LARGE1: variants seen among roughly 807,000 people sequenced by gnomAD.
The protein encoded by LARGE1 is xylosyl- and glucuronyltransferase LARGE1.
A neutral mutation model predicts 87.6 loss-of-function variants in LARGE1; 43 were observed. The observed-to-expected ratio is 0.49, with a 90% CI of 0.38 to 0.63. LARGE1 has a LOEUF of 0.63. Among genes scored for constraint, LARGE1 ranks in the 30% least tolerant of loss-of-function variants. The probability of loss-of-function intolerance (pLI) is 0.00; values close to 1 mark genes in which losing one functional copy is unlikely to be tolerated. For missense variants in LARGE1, 802 were observed against 1,000.2 expected (o/e 0.80, Z 2.67); for synonymous variants, 434 against 394.6 (o/e 1.10, Z -1.18).
the LARGE1 span, among the ~76,000 whole-genome samples, chr22:33,100,380 T>TTAAA: frequency 1.5e-5 from 2 of 129,198 alleles, no homozygotes; most frequent in East Asian, 2.2e-4. Flanking sequence ...AAGTAAAAAA[T>TTAAA]TAAATAAATA....
intron 2 of LARGE1, among the ~76,000 whole-genome samples, chr22:33,687,565 T>C (rs2081981534): frequency 6.6e-6 from 1 of 152,138 alleles, no homozygotes; most frequent in African/African-American, 2.4e-5. Flanking sequence ...ATTTGTTGAA[T>C]GAGTGAAGGT....
chr22:33,702,851 C>T (rs2082440421), intron 2 of LARGE1, among the ~76,000 whole-genome samples: 1 of 152,090 alleles, frequency 6.6e-6, no homozygotes, highest in Non-Finnish European at 1.5e-5. Flanking sequence ...GGAAGAGGGG[C>T]AGATTGCCAG....
At chr22:33,228,169 G>A (rs948913702) in intron 11 of LARGE1, among the ~76,000 whole-genome samples, 1 of 152,212 alleles carries the variant, frequency 6.6e-6, no homozygotes, top group Admixed American at 6.5e-5. Flanking sequence ...AGATAAAATG[G>A]AATTATACAT....
intron 6 of LARGE1, among the ~76,000 whole-genome samples, chr22:33,469,352 TAAAA>T (rs1176617525): frequency 6.6e-6 from 1 of 152,144 alleles, no homozygotes; most frequent in African/African-American, 2.4e-5. Flanking sequence ...TATGCAGTCA[TAAAA>T]AAGAACAAGG....
At chr22:33,128,680 CAA>C in the LARGE1 span, among the ~76,000 whole-genome samples, 802 of 110,272 alleles carry the variant, frequency 7.3e-3, 2 homozygotes, top group African/African-American at 0.016. Flanking sequence ...GTCTCAAAAA[CAA>C]AAAAAAAAAA....
chr22:33,270,981 G>A (rs1488335928), downstream of LARGE1, among the ~76,000 whole-genome samples: 1 of 152,186 alleles, frequency 6.6e-6, no homozygotes, highest in Admixed American at 6.5e-5. Context: ...AACAACCCAG[G>A]AGAAGCATTC....
At chr22:33,253,235 A>C (rs1266604146) in intron 11 of LARGE1, among the ~76,000 whole-genome samples, 1 of 152,238 alleles carries the variant, frequency 6.6e-6, no homozygotes, top group Non-Finnish European at 1.5e-5. Flanking sequence ...ATTGATTAAA[A>C]ACATAAAGTT....
intron 10 of LARGE1, among the ~76,000 whole-genome samples, chr22:33,335,153 C>T (rs1938292769): frequency 1.3e-5 from 2 of 152,146 alleles, no homozygotes; most frequent in African/African-American, 4.8e-5. Flanking sequence ...TTCCATTTAA[C>T]GTTTGCAAAA....
chr22:33,457,460 T>G (rs2068185231), intron 6 of LARGE1, among the ~76,000 whole-genome samples: 1 of 151,850 alleles, frequency 6.6e-6, no homozygotes, highest in Non-Finnish European at 1.5e-5. Flanking sequence ...CCCGGCCTAA[T>G]TTGTATTTCT....
chr22:33,850,160 T>C (rs1471571354), intron 1 of LARGE1, among the ~76,000 whole-genome samples: 1 of 152,158 alleles, frequency 6.6e-6, no homozygotes, highest in East Asian at 1.9e-4. Context: ...AAAAGTCCTA[T>C]TCACTCTCTG....
At chr22:33,074,732 C>CATA in the LARGE1 span, among the ~76,000 whole-genome samples, 2 of 151,994 alleles carry the variant, frequency 1.3e-5, no homozygotes, top group Non-Finnish European at 2.9e-5. Context: ...ATCATAGTTC[C>CATA]ATAATAAGCA....
At chr22:33,907,408 C>A (rs1053216437) in intron 1 of LARGE1, among the ~76,000 whole-genome samples, 1 of 152,214 alleles carries the variant, frequency 6.6e-6, no homozygotes, top group Non-Finnish European at 1.5e-5. Flanking sequence ...GTCCCCATCA[C>A]CGTCTGATAA....
chr22:33,427,202 C>T (rs909643439), intron 7 of LARGE1, among the ~76,000 whole-genome samples: 2 of 152,172 alleles, frequency 1.3e-5, no homozygotes, highest in Non-Finnish European at 2.9e-5. Flanking sequence ...GGAGATGATG[C>T]CTGGGCAGAG....
chr22:33,743,023 T>C (rs1334235887), intron 2 of LARGE1: 4 of 152,006 alleles, frequency 2.6e-5, no homozygotes, highest in African/African-American at 9.7e-5. Context: ...GCGATCCTTG[T>C]GAGATATGGT....
intron 2 of LARGE1, among the ~76,000 whole-genome samples, chr22:33,706,127 G>A (rs889211251): frequency 2.0e-5 from 3 of 152,238 alleles, no homozygotes; most frequent in African/African-American, 4.8e-5. Flanking sequence ...AGCATTCCAT[G>A]TTGGTTTGTC....
intron 7 of LARGE1, among the ~76,000 whole-genome samples, chr22:33,387,179 C>T (rs2065353480): frequency 6.7e-6 from 1 of 148,188 alleles, no homozygotes; most frequent in Admixed American, 6.7e-5. Flanking sequence ...AATCTCAGCA[C>T]TTTGGGAGGC....
At chr22:33,175,972 C>G (rs957584387) in intron 11 of LARGE1, among the ~76,000 whole-genome samples, 3 of 152,122 alleles carry the variant, frequency 2.0e-5, no homozygotes, top group African/African-American at 4.8e-5. Flanking sequence ...ACCAATGGAA[C>G]AGAACAGAGG....
At chr22:33,707,475 G>A (rs760694439) in intron 2 of LARGE1, among the ~76,000 whole-genome samples, 5 of 152,220 alleles carry the variant, frequency 3.3e-5, no homozygotes, top group Non-Finnish European at 7.3e-5. Flanking sequence ...TATAGATGGG[G>A]TTTGTGGCTA....
intron 5 of LARGE1, among the ~76,000 whole-genome samples, chr22:33,592,099 A>C: frequency 2.7e-5 from 1 of 37,396 alleles, no homozygotes; most frequent in Admixed American, 3.8e-4. Flanking sequence ...AGGGGAGGGG[A>C]GGGAAGGGGG....
Sources: allele counts gnomAD v4.1 joint callset (sites outside exome capture counted in the v4.1 genomes callset), GRCh38; gene constraint gnomAD v4.1.1; transcripts MANE v1.5; gene names NCBI Gene and HGNC (gene_info 2026-07-23, HGNC 2026-07-21).